TNIK: variants seen among roughly 807,000 people sequenced by gnomAD.
TNIK encodes TRAF2 and NCK interacting kinase.
A neutral mutation model predicts 191.3 loss-of-function variants in TNIK; 49 were observed. The observed-to-expected ratio is 0.26, with a 90% CI of 0.20 to 0.32. The LOEUF (loss-of-function observed/expected upper bound fraction) is 0.32, where lower values mean the gene tolerates loss of function less well. Ranked by LOEUF, TNIK falls within the 10% of genes least tolerant of loss-of-function variation. The probability of loss-of-function intolerance (pLI) is 1.00; values close to 1 mark genes in which losing one functional copy is unlikely to be tolerated. For missense variants in TNIK, 1,155 were observed against 1,702.3 expected, an observed-to-expected ratio of 0.68 and a Z score of 5.66; for synonymous variants, 594 against 600.9, an observed-to-expected ratio of 0.99 and a Z score of 0.17.
chr3:171,203,073 G>A (rs1409901470), intron 4 of TNIK, among the ~76,000 whole-genome samples: 1 of 151,304 alleles, frequency 6.6e-6, no homozygotes, highest in African/African-American at 2.5e-5. Flanking sequence ...AGCTATGAGT[G>A]GTTAATTTTT....
intron 2 of TNIK, among the ~76,000 whole-genome samples, chr3:171,346,660 T>G (rs956793598): frequency 1.3e-5 from 2 of 152,124 alleles, no homozygotes; most frequent in African/African-American, 4.8e-5. Flanking sequence ...CCTGGGATCT[T>G]CTGGAGGATG....
At chr3:171,361,451 A>T (rs1714960648) in intron 2 of TNIK, among the ~76,000 whole-genome samples, 1 of 152,122 alleles carries the variant, frequency 6.6e-6, no homozygotes, top group African/African-American at 2.4e-5. Context: ...TCACATGACA[A>T]CCATCTAATT....
At chr3:171,313,755 A>T (rs917157060) in intron 2 of TNIK, among the ~76,000 whole-genome samples, 2 of 152,178 alleles carry the variant, frequency 1.3e-5, no homozygotes, top group African/African-American at 4.8e-5. Context: ...TGAGTCCTTC[A>T]ATCTTGAGAA....
chr3:171,253,581 A>C (rs1746502246), intron 2 of TNIK, among the ~76,000 whole-genome samples: 1 of 148,858 alleles, frequency 6.7e-6, no homozygotes, highest in African/African-American at 2.4e-5. Context: ...AAGAAATCAG[A>C]AGACAGGTCC....
intron 20 of TNIK, 88 bp from the exon 21 acceptor site, chr3:171,107,294 T>C (rs1183775588): frequency 8.0e-7 from 1 of 1,255,526 alleles, no homozygotes; most frequent in African/African-American, 1.5e-5. Context: ...AAATTGTAAT[T>C]GTTAGTACGC....
chr3:171,080,584 C>T (rs970786131), intron 27 of TNIK, among the ~76,000 whole-genome samples: 1 of 151,862 alleles, frequency 6.6e-6, no homozygotes, highest in Non-Finnish European at 1.5e-5. Context: ...TTACAGGTGC[C>T]GCTCCCAGCA....
chr3:171,180,591 C>A (rs1168167837), intron 7 of TNIK, among the ~76,000 whole-genome samples: 4 of 152,194 alleles, frequency 2.6e-5, no homozygotes, highest in Admixed American at 2.6e-4. Flanking sequence ...ATGAAAGATA[C>A]ATGAGAGAAC....
chr3:171,258,495 C>T (rs1241374448), intron 2 of TNIK, among the ~76,000 whole-genome samples: 1 of 152,132 alleles, frequency 6.6e-6, no homozygotes, highest in African/African-American at 2.4e-5. Context: ...TGCCCCATGT[C>T]AATCAAAGAA....
intron 2 of TNIK, among the ~76,000 whole-genome samples, chr3:171,324,847 C>G (rs1755562512): frequency 6.6e-6 from 1 of 152,016 alleles, no homozygotes; most frequent in East Asian, 1.9e-4. Flanking sequence ...GCCTGTAATC[C>G]CAGCACTTTG....
chr3:171,085,722 G>A (rs1234007792), intron 24 of TNIK, among the ~76,000 whole-genome samples: 1 of 152,204 alleles, frequency 6.6e-6, no homozygotes, highest in African/African-American at 2.4e-5. Context: ...GGTGATGCAA[G>A]TGAATTGGTG....
At chr3:171,121,566 C>T (rs559671229) in intron 18 of TNIK, among the ~76,000 whole-genome samples, 12 of 152,374 alleles carry the variant, frequency 7.9e-5, no homozygotes, top group African/African-American at 2.9e-4. Context: ...GCAGAACCAT[C>T]TGCTCAGTGC....
At chr3:171,378,975 T>A (rs1315709296) in intron 1 of TNIK, among the ~76,000 whole-genome samples, 1 of 152,152 alleles carries the variant, frequency 6.6e-6, no homozygotes, top group Non-Finnish European at 1.5e-5. Flanking sequence ...AAAGTGGACC[T>A]GGAAAGGAAG....
intron 18 of TNIK, among the ~76,000 whole-genome samples, chr3:171,111,385 A>G (rs975030978): frequency 3.3e-5 from 5 of 152,234 alleles, no homozygotes; most frequent in Non-Finnish European, 5.9e-5. Context: ...ACTGCACTCC[A>G]GCCTGGGCAA....
intron 12 of TNIK, among the ~76,000 whole-genome samples, chr3:171,157,181 T>C (rs1041474985): frequency 5.9e-5 from 9 of 152,082 alleles, no homozygotes; most frequent in Non-Finnish European, 1.2e-4. Flanking sequence ...GACTGTGACT[T>C]TAAGTAAAGC....
rs570888210 is a variant in TNIK, at chr3:171,377,339, A to G, written c.58-7654T>C. 3.8e-3 allele frequency among the ~76,000 whole-genome samples: 576 copies of G among 152,254 alleles called. 8 individuals carry two copies. The highest frequency in any genetic ancestry group is 5.1e-3 in the Non-Finnish European group (346 of 68,010). ...TGCAGTCTGCTTAGTTTCACCTGCT[A>G]ATGTGCAGCAGCCAGCAGTGACACT... On this transcript the variant is annotated intron_variant, in intron 1 of 32. Coordinates refer to ENST00000436636, the MANE Select transcript of TNIK (RefSeq NM_015028.4).
chr3:171,258,567 C>G (rs531465171), intron 2 of TNIK, among the ~76,000 whole-genome samples: 1 of 152,138 alleles, frequency 6.6e-6, no homozygotes, highest in South Asian at 2.1e-4. Context: ...ACCCACGAGA[C>G]CAGTAAAGAA....
intron 4 of TNIK, among the ~76,000 whole-genome samples, chr3:171,196,567 T>C (rs1259227578): frequency 6.6e-6 from 1 of 152,086 alleles, no homozygotes; most frequent in Non-Finnish European, 1.5e-5. Context: ...AAGAGTTTTT[T>C]CAACACATAA....
In TNIK at chr3:171,103,318, A is replaced by G. The variant is rs866629030; in HGVS notation, c.2407-1685T>C. ...AAATGTAATGCATATTATAAAAAGA[A>G]GAGGAAAACCATAACATAGGTATAA... On this transcript the variant is annotated intron_variant, in intron 21 of 32. Coordinates refer to ENST00000436636, the MANE Select transcript of TNIK (RefSeq NM_015028.4). Among the ~76,000 whole-genome samples, 10 of 152,290 alleles carry G rather than the reference A, an allele frequency of 6.6e-5. 1 individual carries two copies. The South Asian group carries it at 1.2e-3, about 19-fold the overall frequency.
rs377596813 is a variant in TNIK, at chr3:171,162,116, T to C, written c.950-780A>G. On this transcript the variant is annotated intron_variant, in intron 10 of 32. Coordinates refer to ENST00000436636, the MANE Select transcript of TNIK (RefSeq NM_015028.4). ...AGTGCAACAAAGAAACTTTTGACAA[T>C]AGGTGCTATTAAAAATATATAGTGG... 4.4e-3 allele frequency among the ~76,000 whole-genome samples: 661 copies of C among 151,784 alleles called. 6 individuals are homozygous for C. Among genetic ancestry groups the C allele is most frequent in the African/African-American group, 0.015 (631 of 41,394 alleles).
Sources: allele counts gnomAD v4.1 joint callset (sites outside exome capture counted in the v4.1 genomes callset), GRCh38; gene constraint gnomAD v4.1.1; transcripts MANE v1.5; gene names NCBI Gene and HGNC (gene_info 2026-07-23, HGNC 2026-07-21).